The following SKAP1 variants were observed in gnomAD, a reference collection of about 807,000 sequenced individuals.
SKAP1 encodes src kinase-associated phosphoprotein 1.
SKAP1 carries 44 observed loss-of-function variants against 58.5 expected under a neutral mutation model. The observed-to-expected ratio is 0.75, with a 90% CI of 0.59 to 0.97. The LOEUF is 0.97. SKAP1 is among the 50% of genes least tolerant of loss of function. SKAP1 has a pLI of 0.00. For synonymous variants in SKAP1, 127 were observed against 149.7 expected (o/e 0.85, Z 1.11); for missense variants, 390 against 435.2 (o/e 0.90, Z 0.92).
intron 4 of SKAP1, among the ~76,000 whole-genome samples, chr17:48,268,209 C>G (rs964529131): frequency 6.6e-6 from 1 of 151,150 alleles, no homozygotes; most frequent in African/African-American, 2.4e-5. Flanking sequence ...ACCAAACAAT[C>G]AGTAGCTAAC....
chr17:48,141,585 C>G (rs2063768280), intron 11 of SKAP1, among the ~76,000 whole-genome samples: 1 of 151,944 alleles, frequency 6.6e-6, no homozygotes, highest in Non-Finnish European at 1.5e-5. Context: ...CCATATTGGC[C>G]AGTCTGGTCT....
chr17:48,389,471 T>A (rs1217498330), intron 2 of SKAP1, among the ~76,000 whole-genome samples: 1 of 152,234 alleles, frequency 6.6e-6, no homozygotes, highest in African/African-American at 2.4e-5. Flanking sequence ...CAGCAGTTGG[T>A]CTCTAAAATA....
chr17:48,321,162 T>C (rs981237882), intron 4 of SKAP1, among the ~76,000 whole-genome samples: 5 of 152,276 alleles, frequency 3.3e-5, no homozygotes, highest in Admixed American at 3.3e-4. Context: ...CATTTGTATA[T>C]GTTTTCTAAT....
At chr17:48,158,011 C>CT (rs1156976666) in intron 11 of SKAP1, among the ~76,000 whole-genome samples, 67 of 150,624 alleles carry the variant, frequency 4.4e-4, no homozygotes, top group Non-Finnish European at 1.6e-4. Flanking sequence ...AACCTTGACT[C>CT]TAATAAAAAT....
chr17:48,398,669 T>C (rs1052262865), intron 1 of SKAP1, among the ~76,000 whole-genome samples: 1 of 152,146 alleles, frequency 6.6e-6, no homozygotes, highest in African/African-American at 2.4e-5. Context: ...AAAATTTGTT[T>C]TATATTCACG....
At chr17:48,353,148 T>C (rs577745266) in intron 3 of SKAP1, among the ~76,000 whole-genome samples, 2 of 152,338 alleles carry the variant, frequency 1.3e-5, no homozygotes, top group East Asian at 3.9e-4. Flanking sequence ...TCGAGTAATG[T>C]AGTAATTTTT....
intron 4 of SKAP1, among the ~76,000 whole-genome samples, chr17:48,312,631 GAA>G (rs1238942046): frequency 2.6e-5 from 4 of 152,268 alleles, no homozygotes; most frequent in African/African-American, 9.6e-5. Context: ...TTAAAAGAGA[GAA>G]TAGACCCTTT....
intron 4 of SKAP1, among the ~76,000 whole-genome samples, chr17:48,260,211 C>T (rs8065115): frequency 0.24 from 36,679 of 151,874 alleles, 4,624 homozygotes; most frequent in African/African-American, 0.31. Flanking sequence ...CAAGAAACTC[C>T]GAGGCTAGCA....
chr17:48,309,062 G>C (rs1489124096), intron 4 of SKAP1, among the ~76,000 whole-genome samples: 1 of 151,818 alleles, frequency 6.6e-6, no homozygotes, highest in Non-Finnish European at 1.5e-5. Flanking sequence ...TCTTCCTCAA[G>C]AACTTTAAAA....
At chr17:48,424,234 T>A (rs1189217861) in intron 1 of SKAP1, among the ~76,000 whole-genome samples, 610 of 4,778 alleles carry the variant, frequency 0.13, 11 homozygotes, top group African/African-American at 0.19. Context: ...TTTTTTTTTT[T>A]TTTTTTTTGA....
At chr17:48,374,183 C>T (rs1433011119) in intron 2 of SKAP1, among the ~76,000 whole-genome samples, 1 of 151,014 alleles carries the variant, frequency 6.6e-6, no homozygotes, top group Non-Finnish European at 1.5e-5. Context: ...TACAGGCACG[C>T]TCCACCATGC....
intron 4 of SKAP1, among the ~76,000 whole-genome samples, chr17:48,268,816 C>T (rs1206613345): frequency 1.3e-5 from 2 of 151,906 alleles, no homozygotes; most frequent in Non-Finnish European, 2.9e-5. Context: ...AACCGTAATG[C>T]TATACAAACT....
chr17:48,274,406 AT>A (rs896373615), intron 4 of SKAP1, among the ~76,000 whole-genome samples: 4 of 150,796 alleles, frequency 2.7e-5, no homozygotes, highest in Non-Finnish European at 4.4e-5. Context: ...AAAAAAAAAA[AT>A]TTTTTTTGGC....
chr17:48,371,715 T>A (rs184202342), intron 2 of SKAP1, among the ~76,000 whole-genome samples: 1 of 135,992 alleles, frequency 7.4e-6, no homozygotes, highest in Non-Finnish European at 1.5e-5. Flanking sequence ...TGCATGCCTG[T>A]AGTCCCAGCT....
At chr17:48,166,459 A>G (rs781565755) in intron 10 of SKAP1, among the ~76,000 whole-genome samples, 1 of 152,290 alleles carries the variant, frequency 6.6e-6, no homozygotes, top group Middle Eastern at 3.4e-3. Flanking sequence ...GTTTTAAGGT[A>G]AAAAGGACCA....
chr17:48,194,307 C>A (rs989683786), intron 4 of SKAP1, among the ~76,000 whole-genome samples: 10 of 152,088 alleles, frequency 6.6e-5, no homozygotes, highest in Non-Finnish European at 2.9e-5. Flanking sequence ...TTGTATCCCA[C>A]CCACATCAAA....
intron 4 of SKAP1, among the ~76,000 whole-genome samples, chr17:48,237,759 T>C (rs1299436358): frequency 3.3e-5 from 5 of 152,100 alleles, no homozygotes; most frequent in African/African-American, 1.2e-4. Flanking sequence ...TCAGTGGGTT[T>C]TGTGACCAAT....
intron 9 of SKAP1, among the ~76,000 whole-genome samples, chr17:48,173,245 T>C (rs961087867): frequency 1.6e-4 from 24 of 151,558 alleles, no homozygotes; most frequent in Admixed American, 1.3e-3. Context: ...TGCCCTACAA[T>C]ATAGTATGGG....
intron 10 of SKAP1, among the ~76,000 whole-genome samples, chr17:48,165,700 G>A (rs2064130750): frequency 6.6e-6 from 1 of 152,010 alleles, no homozygotes; most frequent in African/African-American, 2.4e-5. Flanking sequence ...GTGCCCGGCC[G>A]ACTTTGATTT....
Sources: allele counts gnomAD v4.1 joint callset (sites outside exome capture counted in the v4.1 genomes callset), GRCh38; gene constraint gnomAD v4.1.1; transcripts MANE v1.5; gene names NCBI Gene and HGNC (gene_info 2026-07-23, HGNC 2026-07-21).